Variants in CA7 observed in about 807,000 individuals in gnomAD.
CA7 encodes carbonate dehydratase VII.
Under a neutral mutation model 31.4 loss-of-function variants are expected in CA7, and 13 were observed. The ratio of observed to expected loss-of-function variants is 0.41; its 90% CI spans 0.27 to 0.66. The LOEUF is 0.66. Among genes scored for constraint, CA7 ranks in the 30% least tolerant of loss-of-function variants. The pLI, the probability that CA7 is intolerant of heterozygous loss-of-function variation, is 0.28. For synonymous variants in CA7, 128 were observed against 133.2 expected, an observed-to-expected ratio of 0.96 and a Z score of 0.27; for missense variants, 215 against 351.0, an observed-to-expected ratio of 0.61 and a Z score of 3.10.
intron 2 of CA7, among the ~76,000 whole-genome samples, chr16:66,849,020 A>G (rs460511): frequency 0.56 from 85,159 of 151,784 alleles, 25,950 homozygotes; most frequent in African/African-American, 0.81. Flanking sequence ...CCTCCTGCTT[A>G]AGGAGGCCAC....
chr16:66,850,511 C>A, intron 2 of CA7, 30 bp from the exon 3 acceptor site: 2 of 1,267,754 alleles, frequency 1.6e-6, no homozygotes, highest in South Asian at 1.2e-5. Flanking sequence ...CTCTCCTACT[C>A]ATTGCCACTC....
Position 66,851,533 on chromosome 16 carries a change from T to C in CA7, c.428T>C (p.Leu143Pro). The change falls in exon 4 of 7, where the codon CTG becomes CCG. Residue 143 changes from leucine to proline, a missense_variant. Coordinates refer to ENST00000338437, the MANE Select transcript of CA7 (RefSeq NM_005182.3). ...GAGGCGGCCTCAGCACCTGATGGCC[T>C]GGCTGTGGTTGGTGTTTTTTTGGAG... The part of the protein sequence containing the change: ...FGEAASAPDG[L>P]AVVGVFLETG... 6.2e-7 allele frequency: 1 copy of C among 1,614,108 alleles called. No individual in the cohort carries two copies. The highest frequency in any genetic ancestry group is 8.5e-7 in the Non-Finnish European group (1 of 1,179,998).
intron 1 of CA7, chr16:66,845,278 C>T: frequency 4.1e-6 from 4 of 969,410 alleles, no homozygotes; most frequent in Non-Finnish European, 4.9e-6. Context: ...GCAGTCAATT[C>T]CCTTTGGGGC....
chr16:66,851,703 G>A lies in CA7; in HGVS notation c.493G>A (p.Ala165Thr), dbSNP rs760898115. Residue 165 changes from alanine to threonine, a missense_variant, in exon 5 of 7, where the codon GCG becomes ACG. By Grantham distance (58) the Ala-to-Thr change is moderately conservative (BLOSUM62 0). Transcript: ENST00000338437. Reference protein sequence around the residue: ...EHPSMNRLTDALYMVRFKGTK... With the variant: ...EHPSMNRLTDTLYMVRFKGTK... ...CCCCAGCATGAATCGTCTGACAGAT[G>A]CGCTCTACATGGTCCGGTTCAAGGT... is the stretch of plus-strand genomic sequence containing the variant. 1.2e-6 allele frequency: 2 copies of A among 1,614,086 alleles called. No individual in the cohort carries two copies. Among genetic ancestry groups the A allele is most frequent in the Non-Finnish European group, 8.5e-7 (1 of 1,179,980 alleles).
At chr16:66,849,913 G>A (rs1419009105) in intron 2 of CA7, among the ~76,000 whole-genome samples, 1 of 152,178 alleles carries the variant, frequency 6.6e-6, no homozygotes, top group South Asian at 2.1e-4. Context: ...AAGGTTGGGA[G>A]TTCGAGGCCA....
intron 2 of CA7, among the ~76,000 whole-genome samples, chr16:66,849,541 G>A (rs1327961668): frequency 6.6e-6 from 1 of 152,202 alleles, no homozygotes; most frequent in African/African-American, 2.4e-5. Context: ...ATAATAATAA[G>A]TTCTGTCCCT....
chr16:66,853,603 A>T lies in CA7; in HGVS notation c.*105A>T. 6.8e-7 allele frequency: 1 copy of T among 1,475,642 alleles called. No homozygotes were observed. Among genetic ancestry groups the T allele is most frequent in the South Asian group, 1.2e-5 (1 of 80,030 alleles). The allele number at this position is 1,475,642 out of a possible 1,614,324, so 91.4% of individuals were successfully genotyped here. On this transcript the variant is annotated 3_prime_UTR_variant, in exon 7 of 7. Coordinates refer to ENST00000338437, the MANE Select transcript of CA7 (RefSeq NM_005182.3). This position sits in a 1 kb window ranked among gnomAD's most constrained non-coding sequence, Gnocchi z 4.5. ...GCTTCCTCCCTGGGGGGTGCTGGGGACCCTCCTTCAGCCAGTTTGCTCCTT... is the reference window on the plus strand; with the variant it reads ...GCTTCCTCCCTGGGGGGTGCTGGGGTCCCTCCTTCAGCCAGTTTGCTCCTT...
Position 66,851,690 on chromosome 16 carries a change from T to G in CA7, c.480T>G (p.Asn160Lys), listed in dbSNP as rs1434545796. 5.6e-6 allele frequency: 9 copies of G among 1,614,066 alleles called. No homozygotes were observed. Among genetic ancestry groups the G allele is most frequent in the Non-Finnish European group, 6.8e-6 (8 of 1,179,996 alleles). Residue 160 changes from asparagine (N) to lysine (K), a missense_variant, in exon 5 of 7, where the codon AAT becomes AAG. Coordinates refer to ENST00000338437, the MANE Select transcript of CA7 (RefSeq NM_005182.3). ...CAGGAGACGAGCACCCCAGCATGAA[T>G]CGTCTGACAGATGCGCTCTACATGG... ...LETGDEHPSM[N>K]RLTDALYMVR...
In CA7 at chr16:66,853,414, C is replaced by T. The variant is rs144059543; in HGVS notation, c.711C>T (p.Asp237=). The T allele has an allele frequency of 4.7e-5, 76 of 1,614,090 alleles. No homozygotes were observed. In the African/African-American group the frequency reaches 8.1e-4, roughly 17 times the overall value. ...KFRSLLFTSE[D]DERIHMVNNF... is the part of the protein sequence containing the mutation. ...GGAGCCTGCTTTTTACCTCGGAGGA[C>T]GATGAGAGGATCCACATGGTGAACA... is the stretch of plus-strand genomic sequence containing the variant. Residue 237 remains aspartate (D), a synonymous_variant, in exon 7 of 7, where the codon GAC becomes GAT. Transcript: ENST00000338437. The surrounding 1 kb of genome is among the most constrained non-coding windows in gnomAD (Gnocchi z 4.5).
At position 66,851,649 on chromosome 16, in the gene CA7, C is replaced by T; in HGVS notation, c.454-15C>T. On this transcript the variant is annotated splice_polypyrimidine_tract_variant and intron_variant, in intron 4 of 6. Coordinates refer to ENST00000338437, the MANE Select transcript of CA7 (RefSeq NM_005182.3). ...CACAGTGGGCTCTGGGCTCACACTG[C>T]CCTCTCCCTGACAGACAGGAGACGA... is the stretch of plus-strand genomic sequence containing the variant. The T allele has an allele frequency of 6.2e-7, 1 of 1,613,984 alleles. No individual in the cohort carries two copies. Among genetic ancestry groups the T allele is most frequent in the Non-Finnish European group, 8.5e-7 (1 of 1,179,848 alleles).
rs1960882865 is a variant in CA7 at position 66,844,510 on chromosome 16, G to T, written c.23G>T (p.Gly8Val). 6.5e-7 allele frequency: 1 copy of T among 1,543,616 alleles called. No homozygotes were observed. The highest frequency in any genetic ancestry group is 2.0e-5 in the Admixed American group (1 of 50,562). The change falls in exon 1 of 7, where the codon GGC becomes GTC. Residue 8 changes from glycine (G) to valine (V), a missense_variant. Physicochemically the swap from Gly to Val is moderately radical, Grantham distance 109 (BLOSUM62 -3). Coordinates refer to ENST00000338437, the MANE Select transcript of CA7 (RefSeq NM_005182.3). ...GGCATGACCGGCCACCACGGCTGGGGCTACGGCCAGGACGACGGTAGGCAC... is the reference window on the plus strand; with the variant it reads ...GGCATGACCGGCCACCACGGCTGGGTCTACGGCCAGGACGACGGTAGGCAC... MTGHHGW[G>V]YGQDDGPSHW... is the part of the protein sequence containing the mutation.
intron 1 of CA7, chr16:66,844,851 C>CGCA: frequency 9.9e-7 from 1 of 1,014,058 alleles, no homozygotes; most frequent in Non-Finnish European, 1.2e-6. Flanking sequence ...CCCGGGCGTG[C>CGCA]GCAGCGCGTG....
chr16:66,848,843 C>T (rs1960979651), intron 2 of CA7, among the ~76,000 whole-genome samples: 1 of 152,170 alleles, frequency 6.6e-6, no homozygotes, highest in Non-Finnish European at 1.5e-5. Flanking sequence ...CATCTGCAGA[C>T]CTATCCAATT....
At chr16:66,848,533 G>A (rs964592317) in intron 2 of CA7, among the ~76,000 whole-genome samples, 2 of 152,090 alleles carry the variant, frequency 1.3e-5, no homozygotes, top group Non-Finnish European at 2.9e-5. Context: ...CTTCAGGCCT[G>A]GCTGGGGCTC....
intron 2 of CA7, 133 bp downstream of exon 2, chr16:66,847,360 G>A (rs1960951039): frequency 1.3e-6 from 1 of 744,790 alleles, no homozygotes; most frequent in Non-Finnish European, 2.3e-6. Context: ...TGAAGCCTTG[G>A]GCTGATCTTC....
chr16:66,851,176 G>A (rs1266555071), intron 3 of CA7, among the ~76,000 whole-genome samples: 1 of 152,220 alleles, frequency 6.6e-6, no homozygotes, highest in Admixed American at 6.5e-5. Context: ...TGTCACGCTG[G>A]ATGTTCATGA....
intron 1 of CA7, chr16:66,844,812 G>A: frequency 2.3e-6 from 2 of 870,846 alleles, no homozygotes; most frequent in East Asian, 3.7e-5. Context: ...AGCCCGCTCA[G>A]ACCCAGGCCC....
chr16:66,851,317 A>T (rs1690621560), intron 3 of CA7, 146 bp from the exon 4 acceptor site: 13 of 749,240 alleles, frequency 1.7e-5, no homozygotes, highest in Non-Finnish European at 3.0e-5. Flanking sequence ...GCTCCCCTGG[A>T]CCCCCCAGCA....
At position 66,853,775 on chromosome 16, in the gene CA7, G is replaced by C. The variant is rs1029653415; in HGVS notation, c.*277G>C. 5.7e-5 allele frequency: 24 copies of C among 417,456 alleles called. No homozygotes were observed. The highest frequency in any genetic ancestry group is 3.0e-4 in the South Asian group (7 of 23,586). The allele number at this position is 417,456 out of a possible 1,614,324, so 25.9% of individuals were successfully genotyped here. ...CCCAAAGACCCTGGGAACCTCCTCT[G>C]GTCTTCCCCACTGGCAGTGGCAGCA... On this transcript the variant is annotated 3_prime_UTR_variant, in exon 7 of 7. Coordinates refer to ENST00000338437, the MANE Select transcript of CA7 (RefSeq NM_005182.3). This position sits in a 1 kb window ranked among gnomAD's most constrained non-coding sequence, Gnocchi z 4.5.
Sources: gnomAD v4.1 joint callset for allele counts (sites outside exome capture counted in the v4.1 genomes callset) on GRCh38, gnomAD v4.1.1 for gene constraint, Gnocchi (gnomAD v3.1) non-coding constraint, MANE v1.5 for transcripts, NCBI Gene and HGNC (gene_info 2026-07-23, HGNC 2026-07-21) for gene names.